TUSC3: variants seen among roughly 807,000 people sequenced by gnomAD.
TUSC3 encodes dolichyl-diphosphooligosaccharide--protein glycosyltransferase subunit TUSC3.
Under a neutral mutation model 44.8 loss-of-function variants are expected in TUSC3, and 45 were observed. The ratio of observed to expected loss-of-function variants is 1.00; its 90% CI spans 0.79 to 1.29. The LOEUF (loss-of-function observed/expected upper bound fraction) is 1.29. Ranked by LOEUF, TUSC3 falls within the 50% of genes most tolerant of loss-of-function variation. TUSC3 has a pLI of 0.00. For missense variants in TUSC3, 519 were observed against 437.9 expected, an observed-to-expected ratio of 1.19 and a Z score of -1.65; for synonymous variants, 212 against 152.9, an observed-to-expected ratio of 1.39 and a Z score of -2.85.
chr8:15,574,857 G>C (rs552332366), intron 1 of TUSC3, among the ~76,000 whole-genome samples: 2 of 152,244 alleles, frequency 1.3e-5, no homozygotes, highest in East Asian at 3.9e-4. Context: ...CAATCAGCCA[G>C]TTAGAACCTA....
At chr8:15,434,079 C>T (rs145284973) in intron 1 of TUSC3, among the ~76,000 whole-genome samples, 23 of 152,244 alleles carry the variant, frequency 1.5e-4, no homozygotes, top group Middle Eastern at 3.4e-3. Flanking sequence ...TCAATAGCAA[C>T]GTGAGAGAAT....
chr8:15,765,315 G>C lies in TUSC3; in HGVS notation c.*1159G>C, dbSNP rs1346573732. The C allele has an allele frequency of 6.6e-6, 1 of 151,804 alleles. No homozygotes were observed. The highest frequency in any genetic ancestry group is 1.9e-4 in the East Asian group (1 of 5,168). The allele number at this position is 151,804 out of a possible 1,614,324, so 9.4% of individuals were successfully genotyped here. On this transcript the variant is annotated 3_prime_UTR_variant, in exon 11 of 11. Coordinates refer to ENST00000503731, the MANE Select transcript of TUSC3 (RefSeq NM_006765.4). ...CTGTGGAGTTATCCAAATTAATTAG[G>C]GTTTAGGAAAGCAGTTCTTCTTGAG... is the stretch of plus-strand genomic sequence containing the variant.
chr8:15,747,459 ATCTTTG>A (rs1413030520), intron 8 of TUSC3, among the ~76,000 whole-genome samples: 2 of 143,622 alleles, frequency 1.4e-5, no homozygotes, highest in African/African-American at 4.9e-5. Context: ...TTATTTAAAT[ATCTTTG>A]TCTTTTATTC....
chr8:15,420,570 C>A (rs1799726914), intron 1 of TUSC3, among the ~76,000 whole-genome samples: 1 of 150,632 alleles, frequency 6.6e-6, no homozygotes, highest in East Asian at 1.9e-4. Flanking sequence ...TTTCCCCTAA[C>A]AGTACCATTT....
intron 1 of TUSC3, among the ~76,000 whole-genome samples, chr8:15,544,393 G>C (rs1221334574): frequency 2.0e-5 from 3 of 151,600 alleles, no homozygotes; most frequent in Non-Finnish European, 4.4e-5. Flanking sequence ...ATCAAAAGCA[G>C]CTGTTATAAT....
the TUSC3 span, among the ~76,000 whole-genome samples, chr8:15,811,717 G>C: frequency 6.6e-6 from 1 of 152,262 alleles, no homozygotes; most frequent in East Asian, 1.9e-4. Context: ...ATAGGTGGCA[G>C]GATAAATTGA....
At chr8:15,637,766 C>G (rs571624378) in intron 2 of TUSC3, among the ~76,000 whole-genome samples, 2 of 152,192 alleles carry the variant, frequency 1.3e-5, no homozygotes, top group South Asian at 4.1e-4. Context: ...AGTACCCTTT[C>G]TGCTCATAAC....
chr8:15,467,843 G>GT (rs1232350825), intron 1 of TUSC3, among the ~76,000 whole-genome samples: 2 of 151,982 alleles, frequency 1.3e-5, no homozygotes, highest in South Asian at 2.1e-4. Context: ...CTAACCTAAA[G>GT]TTTTTTATCC....
chr8:15,722,122 C>T (rs903801804), intron 6 of TUSC3, among the ~76,000 whole-genome samples: 5 of 151,918 alleles, frequency 3.3e-5, no homozygotes, highest in African/African-American at 1.2e-4. Context: ...TCCTAGGATC[C>T]TGGGAGTTTT....
chr8:15,484,385 C>G (rs1800708567), intron 2 of TUSC3, among the ~76,000 whole-genome samples: 1 of 152,158 alleles, frequency 6.6e-6, no homozygotes, highest in Non-Finnish European at 1.5e-5. Context: ...TTCATTTGTG[C>G]TCATTTCGAT....
At chr8:15,817,330 A>C in the TUSC3 span, among the ~76,000 whole-genome samples, 1 of 135,904 alleles carries the variant, frequency 7.4e-6, no homozygotes, top group African/African-American at 2.7e-5. Flanking sequence ...CAACCAGAGA[A>C]GAAAGAAATT....
At chr8:15,506,206 C>T (rs963621797) in intron 2 of TUSC3, among the ~76,000 whole-genome samples, 25 of 152,134 alleles carry the variant, frequency 1.6e-4, no homozygotes, top group African/African-American at 5.8e-4. Context: ...TCCAAAGCAG[C>T]CTCTGAAGCA....
At chr8:15,515,818 C>T (rs543805210) in intron 2 of TUSC3, among the ~76,000 whole-genome samples, 1 of 152,104 alleles carries the variant, frequency 6.6e-6, no homozygotes, top group Admixed American at 6.6e-5. Context: ...CAGTCTCTCG[C>T]CACCACACCC....
intron 6 of TUSC3, among the ~76,000 whole-genome samples, chr8:15,676,005 T>C (rs1227198925): frequency 1.3e-5 from 2 of 152,148 alleles, no homozygotes; most frequent in Non-Finnish European, 2.9e-5. Flanking sequence ...TTGAGACATC[T>C]CCATGTTGTT....
At chr8:15,540,729 C>T (rs532386663) in intron 1 of TUSC3, among the ~76,000 whole-genome samples, 161 bp downstream of exon 1, 286 of 152,180 alleles carry the variant, frequency 1.9e-3, no homozygotes, top group African/African-American at 6.6e-3. Context: ...TGGGGCGTTT[C>T]CGGGACGTGG....
At chr8:15,841,439 C>T in the TUSC3 span, among the ~76,000 whole-genome samples, 30 of 152,144 alleles carry the variant, frequency 2.0e-4, no homozygotes, top group South Asian at 6.0e-3. Flanking sequence ...CCAAACTGAA[C>T]TACATTTTAT....
intron 1 of TUSC3, among the ~76,000 whole-genome samples, chr8:15,469,807 G>T (rs1047979515): frequency 6.6e-6 from 1 of 152,144 alleles, no homozygotes; most frequent in African/African-American, 2.4e-5. Context: ...ATATTTCACA[G>T]TGTTAAAAAT....
intron 7 of TUSC3, among the ~76,000 whole-genome samples, chr8:15,732,625 T>C (rs949462102): frequency 2.6e-5 from 4 of 152,168 alleles, no homozygotes; most frequent in African/African-American, 9.7e-5. Flanking sequence ...AATGTAAACA[T>C]TGAAATGACT....
chr8:15,558,824 T>C (rs1269545903), intron 1 of TUSC3, among the ~76,000 whole-genome samples: 17 of 148,924 alleles, frequency 1.1e-4, no homozygotes, highest in Non-Finnish European at 1.6e-4. Context: ...CTGATGGTAG[T>C]TTGTATTTCT....
Sources: gnomAD v4.1 joint callset for allele counts (sites outside exome capture counted in the v4.1 genomes callset) on GRCh38, gnomAD v4.1.1 for gene constraint, MANE v1.5 for transcripts, NCBI Gene and HGNC (gene_info 2026-07-23, HGNC 2026-07-21) for gene names.